RBM15: variants seen among roughly 807,000 people sequenced by gnomAD.
RBM15 encodes the protein RNA binding motif protein 15, also known as RNA-binding protein 15.
A neutral mutation model predicts 62.6 loss-of-function variants in RBM15; 8 were observed. The ratio of observed to expected loss-of-function variants is 0.13; its 90% confidence interval spans 0.07 to 0.23. RBM15 has a LOEUF of 0.23. Ranked by LOEUF, RBM15 falls within the 10% of genes least tolerant of loss-of-function variation. The pLI is 1.00. For synonymous variants in RBM15, 606 were observed against 505.7 expected, an observed-to-expected ratio of 1.20 and a Z score of -2.66; for missense variants, 1,144 against 1,286.5, an observed-to-expected ratio of 0.89 and a Z score of 1.69.
chr1:110,340,008 T>G lies in RBM15; in HGVS notation c.603T>G (p.Ser201Arg). The part of the protein sequence containing the change: ...FHEFKRFGDV[S>R]VKISHLSGSG... The stretch of plus-strand genomic sequence containing the variant: ...AGTTCAAACGCTTCGGTGATGTAAG[T>G]GTGAAAATCAGTCATCTGTCGGGTT... The change falls in exon 1 of 3, where the codon AGT becomes AGG. Residue 201 changes from serine to arginine, a missense_variant. This residue lies in a region of RBM15 where 188 missense variants were observed against 185.6 expected (regional missense o/e 1.01). Coordinates refer to ENST00000369784, the MANE Select transcript of RBM15 (RefSeq NM_022768.5). The surrounding 1 kb of genome is among the most constrained non-coding windows in gnomAD (Gnocchi z 5.8). The G allele has an allele frequency of 6.2e-7, 1 of 1,613,994 alleles. No individual in the cohort carries two copies. Among genetic ancestry groups the G allele is most frequent in the Non-Finnish European group, 8.5e-7 (1 of 1,179,982 alleles).
In RBM15 at chr1:110,341,264, G is replaced by C. The variant is rs567086979; in HGVS notation, c.1859G>C (p.Gly620Ala). Residue 620 changes from glycine (G) to alanine (A), a missense_variant, in exon 1 of 3, where the codon GGT becomes GCT. Around this residue, in one of 8 missense-constraint regions of RBM15, gnomAD observed 360 missense variants for 342.9 expected, o/e 1.05. Coordinates refer to ENST00000369784, the MANE Select transcript of RBM15 (RefSeq NM_022768.5). The surrounding 1 kb of genome is among the most constrained non-coding windows in gnomAD (Gnocchi z 4.5). ...GATAGCCTAGATCGCAGGCGGGATG[G>C]TTGGTCCTTGGACCGGGACAGAGGT... The part of the protein sequence containing the change: ...PLDSLDRRRD[G>A]WSLDRDRGDR... 8.7e-6 allele frequency: 14 copies of C among 1,614,038 alleles called. No individual in the cohort carries two copies. Among genetic ancestry groups the C allele is most frequent in the Admixed American group, 1.7e-5 (1 of 60,016 alleles).
intron 1 of RBM15, 86 bp downstream of exon 1, chr1:110,342,354 A>C: frequency 9.3e-7 from 1 of 1,078,878 alleles, no homozygotes; most frequent in Non-Finnish European, 1.3e-6. Context: ...ACAGCATCAG[A>C]TGCAATTTTC....
At chr1:110,342,952 C>T (rs1355329247) in intron 1 of RBM15, among the ~76,000 whole-genome samples, 1 of 152,160 alleles carries the variant, frequency 6.6e-6, no homozygotes, top group African/African-American at 2.4e-5. Context: ...AAATTAAGGA[C>T]TATGTTACAA....
Position 110,339,466 on chromosome 1 carries a change from C to G in RBM15, c.61C>G (p.Pro21Ala), listed in dbSNP as rs1323639524. The G allele has an allele frequency of 2.6e-6, 4 of 1,559,600 alleles. No homozygotes were observed. The highest frequency in any genetic ancestry group is 3.5e-6 in the Non-Finnish European group (4 of 1,150,242). The change falls in exon 1 of 3, where the codon CCG becomes GCG. Residue 21 changes from proline (P) to alanine (A), a missense_variant. Physicochemically the swap from Pro to Ala is conservative, Grantham distance 27 (BLOSUM62 -1). Coordinates refer to ENST00000369784, the MANE Select transcript of RBM15 (RefSeq NM_022768.5). ...RRSPRWRRAV[P>A]LCETSAGRRV... ...GAGTCCAAGATGGCGGCGTGCGGTTCCGCTGTGTGAAACGAGCGCGGGGCG... is the reference window on the plus strand; with the variant it reads ...GAGTCCAAGATGGCGGCGTGCGGTTGCGCTGTGTGAAACGAGCGCGGGGCG...
At position 110,342,197 on chromosome 1, in the gene RBM15, A is replaced by G. The variant is rs1302232679; in HGVS notation, c.2792A>G (p.Gln931Arg). 12 of 1,613,672 alleles carry G rather than the reference A, an allele frequency of 7.4e-6. No homozygotes were observed. Among genetic ancestry groups the G allele is most frequent in the Non-Finnish European group, 1.0e-5 (12 of 1,179,720 alleles). Residue 931 changes from glutamine (Q) to arginine (R), a missense_variant, in exon 1 of 3, where the codon CAG (glutamine) becomes CGG (arginine). Physicochemically the swap from Gln to Arg is conservative, Grantham distance 43. Around this residue, in one of 8 missense-constraint regions of RBM15, gnomAD observed 144 missense variants for 223.3 expected, o/e 0.64. Transcript: ENST00000369784. ...TTCCCACCTTGTGAGTTCTCCCAGC[A>G]GTTCCTGGATTCCCCTGCCAAGGCA... The part of the protein sequence containing the change: ...HAFPPCEFSQ[Q>R]FLDSPAKALA...
rs1276010312 is a variant in RBM15 at position 110,341,433 on chromosome 1, A to G, written c.2028A>G (p.Glu676=). 1 of 1,614,178 alleles carries G rather than the reference A, an allele frequency of 6.2e-7. No individual in the cohort carries two copies. Among genetic ancestry groups the G allele is most frequent in the East Asian group, 2.2e-5 (1 of 44,866 alleles). Residue 676 remains glutamate (E), a synonymous_variant, in exon 1 of 3, where the codon GAA becomes GAG. Coordinates refer to ENST00000369784, the MANE Select transcript of RBM15 (RefSeq NM_022768.5). This position sits in a 1 kb window ranked among gnomAD's most constrained non-coding sequence, Gnocchi z 4.5. ...HCAPSPDRSP[E]LSSSRDRYNS... Reference sequence around the variant, plus strand: ...CTCCTTCTCCTGACCGCAGTCCAGAATTGAGCAGTAGCCGGGATCGTTACA... The same window carrying G: ...CTCCTTCTCCTGACCGCAGTCCAGAGTTGAGCAGTAGCCGGGATCGTTACA...
Position 110,343,959 on chromosome 1 carries a change from TG to T in RBM15, c.2864-1579del, listed in dbSNP as rs1156738952. 2.6e-5 allele frequency among the ~76,000 whole-genome samples: 4 copies of T among 152,248 alleles called. No homozygotes were observed. The East Asian group carries it at 7.7e-4, about 29-fold the overall frequency. Reference sequence around the variant, plus strand: ...GTGTCATCCCTCTTGGTTTTCACTATGCATCTATAATTTTTTAAGTTTGCAG... The same window carrying T: ...GTGTCATCCCTCTTGGTTTTCACTATCATCTATAATTTTTTAAGTTTGCAG... On this transcript the variant is annotated intron_variant, in intron 1 of 2. Transcript: ENST00000369784.
rs1443899582 is a variant in RBM15, at chr1:110,341,622, A to G, written c.2217A>G (p.Gly739=). ...RKHRTTAPTE[G]KSPLKKEDRS... The stretch of plus-strand genomic sequence containing the variant: ...ACCGGACAACTGCTCCCACTGAGGG[A>G]AAAAGCCCTCTGAAAAAAGAAGACC... Residue 739 remains glycine (G), a synonymous_variant, in exon 1 of 3, where the codon GGA becomes GGG. Coordinates refer to ENST00000369784, the MANE Select transcript of RBM15 (RefSeq NM_022768.5). This position sits in a 1 kb window ranked among gnomAD's most constrained non-coding sequence, Gnocchi z 4.5. The G allele has an allele frequency of 1.4e-5, 22 of 1,614,008 alleles. No individual in the cohort carries two copies. Among genetic ancestry groups the G allele is most frequent in the Non-Finnish European group, 1.9e-5 (22 of 1,180,040 alleles).
Position 110,341,283 on chromosome 1 carries a change from C to T in RBM15, c.1878C>T (p.Asp626=). ...RRRDGWSLDR[D]RGDRDLPSSR... ...GGGATGGTTGGTCCTTGGACCGGGA[C>T]AGAGGTGATCGAGATCTGCCCAGCA... The change falls in exon 1 of 3, where the codon GAC becomes GAT. Residue 626 remains aspartate, a synonymous_variant. Transcript: ENST00000369784. The surrounding 1 kb of genome is among the most constrained non-coding windows in gnomAD (Gnocchi z 4.5). The T allele has an allele frequency of 6.2e-7, 1 of 1,614,086 alleles. No individual in the cohort carries two copies.
Position 110,342,133 on chromosome 1 carries a change from G to T in RBM15, c.2728G>T (p.Gly910Cys). 6.2e-7 allele frequency: 1 copy of T among 1,614,088 alleles called. No homozygotes were observed. The highest frequency in any genetic ancestry group is 8.5e-7 in the Non-Finnish European group (1 of 1,179,972). The change falls in exon 1 of 3, where the codon GGC (glycine) becomes TGC (cysteine). Residue 910 changes from glycine to cysteine, a missense_variant. Around this residue, in one of 8 missense-constraint regions of RBM15, gnomAD observed 144 missense variants for 223.3 expected, o/e 0.64. Transcript: ENST00000369784. ...AAGVISLPVG[G>C]NKDKENTGVL... is the part of the protein sequence containing the mutation. ...CGGGGTGATCAGCCTCCCTGTGGGGGGCAACAAAGACAAGGAAAACACCGG... is the reference window on the plus strand; with the variant it reads ...CGGGGTGATCAGCCTCCCTGTGGGGTGCAACAAAGACAAGGAAAACACCGG...
At position 110,345,619 on chromosome 1, in the gene RBM15, T is replaced by C; in HGVS notation, c.*10T>C. On this transcript the variant is annotated 3_prime_UTR_variant, in exon 2 of 3. Transcript: ENST00000369784. ...GCTGACCCTGTTATAGTGGTTATAG[T>C]GGTGTCCCTAAAGGGAGGAAATGAT... 6.2e-7 allele frequency: 1 copy of C among 1,600,904 alleles called. No homozygotes were observed.
Position 110,341,568 on chromosome 1 carries a change from C to T in RBM15, c.2163C>T (p.Asn721=), listed in dbSNP as rs757133088. The stretch of plus-strand genomic sequence containing the variant: ...AGGGTGACAAGCGAGACCGTAAAAA[C>T]TCTGCATCAGCTGAACGAGATAGGA... The part of the protein sequence containing the change: ...KSQGDKRDRK[N]SASAERDRKH... Residue 721 remains asparagine (N), a synonymous_variant, in exon 1 of 3, where the codon AAC becomes AAT. Coordinates refer to ENST00000369784, the MANE Select transcript of RBM15 (RefSeq NM_022768.5). This position sits in a 1 kb window ranked among gnomAD's most constrained non-coding sequence, Gnocchi z 4.5. The T allele has an allele frequency of 6.2e-7, 1 of 1,614,118 alleles. No individual in the cohort carries two copies.
chr1:110,344,571 T>C (rs1315335796), intron 1 of RBM15, among the ~76,000 whole-genome samples: 1 of 152,196 alleles, frequency 6.6e-6, no homozygotes, highest in Non-Finnish European at 1.5e-5. Flanking sequence ...TAAATGTATG[T>C]ATTATAAAAA....
chr1:110,340,490 A>G lies in RBM15; in HGVS notation c.1085A>G (p.Asp362Gly). Residue 362 changes from aspartate (D) to glycine (G), a missense_variant, in exon 1 of 3, where the codon GAT (aspartate) becomes GGT (glycine). Coordinates refer to ENST00000369784, the MANE Select transcript of RBM15 (RefSeq NM_022768.5). This position sits in a 1 kb window ranked among gnomAD's most constrained non-coding sequence, Gnocchi z 5.8. Reference sequence around the variant, plus strand: ...GGTGCTGCTCCTTTCAGAGAAGTGGATGAGATTTCACCCGAGGATGATCAG... The same window carrying G: ...GGTGCTGCTCCTTTCAGAGAAGTGGGTGAGATTTCACCCGAGGATGATCAG... Reference protein sequence around the residue: ...GAGAAPFREVDEISPEDDQRA... With the variant: ...GAGAAPFREVGEISPEDDQRA... The G allele has an allele frequency of 1.2e-6, 2 of 1,613,944 alleles. No homozygotes were observed. The highest frequency in any genetic ancestry group is 1.7e-6 in the Non-Finnish European group (2 of 1,179,992).
chr1:110,342,462 C>T lies in RBM15; in HGVS notation c.2863+194C>T, dbSNP rs117642477. ...TTTAGCTATTTTTTTGTTTGTTTAG[C>T]TATTATTTTAAGTGAAAGGGATGCC... On this transcript the variant is annotated intron_variant, in intron 1 of 2. Transcript: ENST00000369784. 5.8e-4 allele frequency: 272 copies of T among 466,078 alleles called. 1 individual carries two copies. In the East Asian group the frequency reaches 8.9e-3, roughly 15 times the overall value. 28.9% of individuals were successfully genotyped at this position (466,078 alleles called of 1,614,324 possible).
At position 110,346,590 on chromosome 1, in the gene RBM15, C is replaced by G. The variant is rs1174532572; in HGVS notation, c.*323C>G. 5.7e-6 allele frequency: 3 copies of G among 528,888 alleles called. No individual in the cohort carries two copies. Among genetic ancestry groups the G allele is most frequent in the Non-Finnish European group, 1.0e-5 (3 of 299,280 alleles). 32.8% of individuals were successfully genotyped at this position (528,888 alleles called of 1,614,324 possible). On this transcript the variant is annotated 3_prime_UTR_variant, in exon 3 of 3. Coordinates refer to ENST00000369784, the MANE Select transcript of RBM15 (RefSeq NM_022768.5). Reference sequence around the variant, plus strand: ...AGAAAAACCCTTTTTATGGCTCACACAGCTTAAGAGTAGCTGTCTCTCAAA... The same window carrying G: ...AGAAAAACCCTTTTTATGGCTCACAGAGCTTAAGAGTAGCTGTCTCTCAAA...
At chr1:110,345,755 T>C in intron 2 of RBM15, 106 bp downstream of exon 2, 1 of 682,812 alleles carries the variant, frequency 1.5e-6, no homozygotes, top group Non-Finnish European at 2.5e-6. Context: ...TTAACAATTA[T>C]TTGTATGAGT....
In RBM15 at chr1:110,341,871, T is replaced by C. The variant is rs61745292; in HGVS notation, c.2466T>C (p.Thr822=). 6,887 of 1,614,204 alleles carry C rather than the reference T, an allele frequency of 4.3e-3. 206 individuals carry two copies. The African/African-American group carries it at 0.075, about 17-fold the overall frequency. ...VASSLLVEGS[T]GGKVAQLKIT... ...GTAGTCTTCTTGTGGAGGGTTCAAC[T>C]GGAGGCAAAGTGGCCCAGCTCAAGA... Residue 822 remains threonine (T), a synonymous_variant, in exon 1 of 3, where the codon ACT becomes ACC. Transcript: ENST00000369784. This position sits in a 1 kb window ranked among gnomAD's most constrained non-coding sequence, Gnocchi z 4.5.
intron 1 of RBM15, among the ~76,000 whole-genome samples, chr1:110,342,877 C>A (rs1487186771): frequency 6.6e-6 from 1 of 152,148 alleles, no homozygotes; most frequent in African/African-American, 2.4e-5. Context: ...TTTTTTAAAT[C>A]ATTTGTTCTA....
Sources: gnomAD v4.1 joint callset for allele counts (sites outside exome capture counted in the v4.1 genomes callset) on GRCh38, gnomAD v4.1.1 for gene constraint, gnomAD v4.1.1 regional missense constraint, Gnocchi (gnomAD v3.1) non-coding constraint, MANE v1.5 for transcripts, NCBI Gene and HGNC (gene_info 2026-07-23, HGNC 2026-07-21) for gene names.